Variants in PDZD2 observed in about 807,000 individuals in gnomAD.
The protein encoded by PDZD2 is PDZ domain containing 2, also known as PDZ domain-containing protein 2.
PDZD2 carries 90 observed loss-of-function variants against 220.7 expected under a neutral mutation model. That is an observed-to-expected ratio of 0.41 (90% CI 0.34 to 0.49). PDZD2 has a LOEUF of 0.49. PDZD2 is among the 20% of genes least tolerant of loss of function. The probability of loss-of-function intolerance (pLI) is 0.28; values close to 1 mark genes in which losing one functional copy is unlikely to be tolerated. For missense variants in PDZD2, 3,174 were observed against 3,608.5 expected (o/e 0.88, Z 3.08); for synonymous variants, 1,375 against 1,450.5 (o/e 0.95, Z 1.18).
intron 1 of PDZD2, among the ~76,000 whole-genome samples, chr5:31,713,431 G>A (rs982178575): frequency 6.6e-6 from 1 of 152,206 alleles, no homozygotes; most frequent in Non-Finnish European, 1.5e-5. Flanking sequence ...CAGTTAGGCT[G>A]CTTGATCATT....
rs147288915 is a variant in PDZD2 at position 31,848,474 on chromosome 5, C to T, written c.476+48750C>T. Among the ~76,000 whole-genome samples, 1,482 of 152,358 alleles carry T rather than the reference C, an allele frequency of 9.7e-3. 21 individuals carry two copies. The highest frequency in any genetic ancestry group is 0.034 in the African/African-American group (1,398 of 41,586). ...ATCAGAAAGTGAACTTGGGGCCTGG[C>T]GCCGTGGCTCACGCCTGTAATCCCA... On this transcript the variant is annotated intron_variant, in intron 2 of 24. Transcript: ENST00000438447.
intron 1 of PDZD2, among the ~76,000 whole-genome samples, chr5:31,642,868 G>C (rs897475299): frequency 1.3e-5 from 2 of 152,284 alleles, no homozygotes; most frequent in Admixed American, 6.5e-5. Context: ...AAAGGGCTGC[G>C]GTACTGCTGC....
At chr5:31,922,161 A>G (rs1210975959) in intron 2 of PDZD2, among the ~76,000 whole-genome samples, 1 of 152,224 alleles carries the variant, frequency 6.6e-6, no homozygotes, top group East Asian at 1.9e-4. Flanking sequence ...AAATTTCCAT[A>G]TATGACCCAA....
At chr5:32,020,358 GAAAT>G (rs1447693893) in intron 6 of PDZD2, among the ~76,000 whole-genome samples, 1 of 49,656 alleles carries the variant, frequency 2.0e-5, no homozygotes, top group African/African-American at 3.7e-5. Context: ...AAATGAAACT[GAAAT>G]AAAAATTTCT....
chr5:31,767,376 C>G (rs1580715714), intron 1 of PDZD2, among the ~76,000 whole-genome samples: 2 of 152,342 alleles, frequency 1.3e-5, no homozygotes, highest in East Asian at 3.9e-4. Flanking sequence ...GAGACTTCAA[C>G]AGGAATGATG....
In PDZD2 at chr5:31,887,759, G is replaced by A. The variant is rs963929597; in HGVS notation, c.476+88035G>A. ...CAGGCTCAAATACTGAGGGTTGCCTGTGCATGCCCTGTGTCTCAAAACTGT... is the reference window on the plus strand; with the variant it reads ...CAGGCTCAAATACTGAGGGTTGCCTATGCATGCCCTGTGTCTCAAAACTGT... On this transcript the variant is annotated intron_variant, in intron 2 of 24. Coordinates refer to ENST00000438447, the MANE Select transcript of PDZD2 (RefSeq NM_178140.4). 5.3e-5 allele frequency among the ~76,000 whole-genome samples: 8 copies of A among 151,964 alleles called. No individual in the cohort carries two copies. The East Asian group carries it at 1.5e-3, about 29-fold the overall frequency.
chr5:32,080,950 A>G (rs899894546), intron 19 of PDZD2, among the ~76,000 whole-genome samples: 3 of 152,076 alleles, frequency 2.0e-5, no homozygotes, highest in African/African-American at 7.2e-5. Flanking sequence ...GGAGAGCATC[A>G]GGATCAATAG....
At chr5:31,707,040 A>C (rs535248187) in intron 1 of PDZD2, among the ~76,000 whole-genome samples, 55 of 151,520 alleles carry the variant, frequency 3.6e-4, no homozygotes, top group Non-Finnish European at 7.4e-4. Context: ...TCATCCAGTA[A>C]GACTGGTGTC....
intron 1 of PDZD2, among the ~76,000 whole-genome samples, chr5:31,775,343 A>G (rs904203934): frequency 2.9e-4 from 44 of 152,112 alleles, no homozygotes; most frequent in Middle Eastern, 3.4e-3. Context: ...ATTGAAAAAA[A>G]AAAAAAGATT....
intron 6 of PDZD2, among the ~76,000 whole-genome samples, chr5:32,022,190 T>TG (rs1460434564): frequency 1.6e-4 from 23 of 145,074 alleles, no homozygotes; most frequent in Non-Finnish European, 2.3e-4. Flanking sequence ...TTTTTGTTTT[T>TG]TTGTTTTTTG....
At chr5:32,036,856 C>T (rs966255380) in intron 6 of PDZD2, among the ~76,000 whole-genome samples, 5 of 152,232 alleles carry the variant, frequency 3.3e-5, no homozygotes, top group African/African-American at 9.6e-5. Context: ...CCTGGGCTTG[C>T]GTTGTAGCTT....
chr5:31,941,914 T>C (rs1487560368), intron 2 of PDZD2, among the ~76,000 whole-genome samples: 2 of 152,254 alleles, frequency 1.3e-5, no homozygotes, highest in East Asian at 3.8e-4. Flanking sequence ...AAAATGGGGA[T>C]AGAATCTGCT....
At chr5:31,750,292 C>T (rs1014664309) in intron 1 of PDZD2, among the ~76,000 whole-genome samples, 2 of 152,180 alleles carry the variant, frequency 1.3e-5, no homozygotes, top group African/African-American at 2.4e-5. Flanking sequence ...CCCCCAGCTC[C>T]CTCTTGCCTG....
At position 31,741,411 on chromosome 5, in the gene PDZD2, T is replaced by C. The variant is rs1580664742; in HGVS notation, c.-360-57478T>C. Among the ~76,000 whole-genome samples the C allele has an allele frequency of 2.0e-5, 3 of 152,230 alleles. 1 individual carries two copies. The Middle Eastern group carries it at 0.01, about 518-fold the overall frequency. ...CTCCCAGAATTTTTTTTTAGACGTT[T>C]GTTACTTGTGCATCCATAGCTCCAT... On this transcript the variant is annotated intron_variant, in intron 1 of 24. Transcript: ENST00000438447.
chr5:32,066,069 G>A (rs979388417), intron 14 of PDZD2, among the ~76,000 whole-genome samples: 2 of 151,462 alleles, frequency 1.3e-5, no homozygotes, highest in African/African-American at 4.9e-5. Flanking sequence ...CCAGCTGGGC[G>A]CAGTAGCTCA....
chr5:32,018,396 T>A (rs977760730), intron 6 of PDZD2, among the ~76,000 whole-genome samples: 3 of 152,242 alleles, frequency 2.0e-5, no homozygotes, highest in Non-Finnish European at 4.4e-5. Context: ...GGCCCCCAAC[T>A]GTCTCCCTAT....
intron 1 of PDZD2, among the ~76,000 whole-genome samples, chr5:31,762,540 A>G (rs1051685569): frequency 6.6e-6 from 1 of 152,176 alleles, no homozygotes; most frequent in Admixed American, 6.6e-5. Context: ...CGCCTGCCTC[A>G]GCCTCCCAAA....
chr5:32,077,363 C>G, intron 18 of PDZD2, 99 bp from the exon 19 acceptor site: 1 of 1,305,108 alleles, frequency 7.7e-7, no homozygotes, highest in South Asian at 1.3e-5. Flanking sequence ...GCCCCTTTGC[C>G]TTTTCCTGAA....
chr5:31,681,823 C>T (rs1746660635), intron 1 of PDZD2, among the ~76,000 whole-genome samples: 1 of 152,102 alleles, frequency 6.6e-6, no homozygotes, highest in African/African-American at 2.4e-5. Flanking sequence ...CTTTTGGTGA[C>T]CATAGAGACT....
Sources: allele counts gnomAD v4.1 joint callset (sites outside exome capture counted in the v4.1 genomes callset), GRCh38; gene constraint gnomAD v4.1.1; transcripts MANE v1.5; gene names NCBI Gene and HGNC (gene_info 2026-07-23, HGNC 2026-07-21).